PEPD: variants seen among roughly 807,000 people sequenced by gnomAD.
PEPD encodes peptidase D.
In PEPD, 53 loss-of-function variants were observed where a neutral mutation model predicts 60.7. The ratio of observed to expected loss-of-function variants is 0.87; its 90% CI spans 0.70 to 1.10. PEPD has a LOEUF of 1.10. Ranked by LOEUF, PEPD falls within the 50% of genes least tolerant of loss-of-function variation. The probability of loss-of-function intolerance (pLI) is 0.00; values close to 1 mark genes in which losing one functional copy is unlikely to be tolerated. For synonymous variants in PEPD, 267 were observed against 284.1 expected, an observed-to-expected ratio of 0.94 and a Z score of 0.60; for missense variants, 711 against 711.9, an observed-to-expected ratio of 1.00 and a Z score of 0.01.
At chr19:33,488,725 G>A (rs1970442570) in intron 6 of PEPD, among the ~76,000 whole-genome samples, 1 of 152,114 alleles carries the variant, frequency 6.6e-6, no homozygotes, top group Admixed American at 6.5e-5. Flanking sequence ...AGGGGGAGGT[G>A]GGAGGTGATA....
At chr19:33,499,277 T>A (rs1970665342) in intron 4 of PEPD, among the ~76,000 whole-genome samples, 1 of 152,148 alleles carries the variant, frequency 6.6e-6, no homozygotes, top group Admixed American at 6.5e-5. Flanking sequence ...AAAAGCCTCC[T>A]CTCTCCACAG....
At chr19:33,486,242 C>A (rs184785158) in intron 6 of PEPD, among the ~76,000 whole-genome samples, 3 of 148,816 alleles carry the variant, frequency 2.0e-5, no homozygotes, top group East Asian at 2.0e-4. Context: ...TCTCAGCCCC[C>A]ACTAGCCCCC....
intron 7 of PEPD, among the ~76,000 whole-genome samples, chr19:33,467,876 A>G (rs529400809): frequency 3.3e-5 from 5 of 152,328 alleles, no homozygotes; most frequent in African/African-American, 1.2e-4. Context: ...CATTCATTTC[A>G]CATCACTAAT....
In PEPD at chr19:33,515,106, C is replaced by T. The variant is rs546436519; in HGVS notation, c.18-2330G>A. Among the ~76,000 whole-genome samples the T allele has an allele frequency of 3.3e-5, 5 of 152,320 alleles. No individual in the cohort carries two copies. In the South Asian group the frequency reaches 8.3e-4, roughly 25 times the overall value. On this transcript the variant is annotated intron_variant, in intron 1 of 14. Coordinates refer to ENST00000244137, the MANE Select transcript of PEPD (RefSeq NM_000285.4). ...TGGGAGATGGAGCTCCAGGTTGCCTCGGTCACTGCCGTGCCCTCGCCTGGT... is the reference window on the plus strand; with the variant it reads ...TGGGAGATGGAGCTCCAGGTTGCCTTGGTCACTGCCGTGCCCTCGCCTGGT...
chr19:33,514,458 C>G (rs766036451), intron 1 of PEPD, among the ~76,000 whole-genome samples: 31 of 151,998 alleles, frequency 2.0e-4, no homozygotes, highest in Non-Finnish European at 3.4e-4. Context: ...TCCGGATGGT[C>G]TTCCCCGGCC....
At position 33,423,549 on chromosome 19, in the gene PEPD, A is replaced by G. The variant is rs1205838080; in HGVS notation, c.672-9906T>C. ...CACAGGAATGGGAACCTGGTGGGTAAAACACAAAAGTATTTCACTGTTTCA... is the reference window on the plus strand; with the variant it reads ...CACAGGAATGGGAACCTGGTGGGTAGAACACAAAAGTATTTCACTGTTTCA... On this transcript the variant is annotated intron_variant, in intron 9 of 14. Transcript: ENST00000244137. 2.0e-5 allele frequency among the ~76,000 whole-genome samples: 3 copies of G among 152,236 alleles called. No individual in the cohort carries two copies. The East Asian group carries it at 5.8e-4, about 29-fold the overall frequency.
At position 33,425,839 on chromosome 19, in the gene PEPD, G is replaced by A. The variant is rs1356559824; in HGVS notation, c.672-12196C>T. 4.6e-5 allele frequency among the ~76,000 whole-genome samples: 7 copies of A among 152,280 alleles called. No homozygotes were observed. In the South Asian group the frequency reaches 8.3e-4, roughly 18 times the overall value. ...TCTTTGAGGAAAAGCCTGGTTTTTCGTTCTTGGGCAAGGCCTTTGGTTCAG... is the reference window on the plus strand; with the variant it reads ...TCTTTGAGGAAAAGCCTGGTTTTTCATTCTTGGGCAAGGCCTTTGGTTCAG... On this transcript the variant is annotated intron_variant, in intron 9 of 14. Coordinates refer to ENST00000244137, the MANE Select transcript of PEPD (RefSeq NM_000285.4).
chr19:33,512,451 T>G lies in PEPD; in HGVS notation c.201+142A>C, dbSNP rs114496260. 2,495 of 798,428 alleles carry G rather than the reference T, an allele frequency of 3.1e-3. 42 individuals are homozygous for G. In the African/African-American group the frequency reaches 0.036, roughly 11 times the overall value. The allele number at this position is 798,428 out of a possible 1,614,324, so 49.5% of individuals were successfully genotyped here. ...AAGTTCTACATCTTCAAGGAGCCCCTGGACCACTTCCCAGGCGAGGAAACA... is the reference window on the plus strand; with the variant it reads ...AAGTTCTACATCTTCAAGGAGCCCCGGGACCACTTCCCAGGCGAGGAAACA... On this transcript the variant is annotated intron_variant, in intron 2 of 14. Transcript: ENST00000244137.
intron 12 of PEPD, among the ~76,000 whole-genome samples, chr19:33,401,464 G>C (rs1472603194): frequency 1.3e-5 from 2 of 152,196 alleles, no homozygotes; most frequent in Non-Finnish European, 2.9e-5. Flanking sequence ...GAGATGCGCA[G>C]GTGGAGGCCA....
chr19:33,435,525 G>T (rs1444471957), intron 9 of PEPD, among the ~76,000 whole-genome samples: 1 of 152,208 alleles, frequency 6.6e-6, no homozygotes, highest in Non-Finnish European at 1.5e-5. Context: ...GTCTGGCTGG[G>T]GACAACAGCC....
In PEPD at chr19:33,411,660, G is replaced by A. The variant is rs558508400; in HGVS notation, c.818+12C>T. On this transcript the variant is annotated intron_variant, in intron 11 of 14. Transcript: ENST00000244137. Reference sequence around the variant, plus strand: ...GTTCACACACAGAGCCAGGGCCGCTGGCCCTACTTACCACATATCCCCATT... The same window carrying A: ...GTTCACACACAGAGCCAGGGCCGCTAGCCCTACTTACCACATATCCCCATT... The A allele has an allele frequency of 2.2e-5, 33 of 1,532,476 alleles. No individual in the cohort carries two copies. In the South Asian group the frequency reaches 3.7e-4, roughly 17 times the overall value. The allele number at this position is 1,532,476 out of a possible 1,614,324, so 94.9% of individuals were successfully genotyped here.
intron 7 of PEPD, among the ~76,000 whole-genome samples, chr19:33,468,541 T>C (rs1053733567): frequency 9.9e-5 from 15 of 152,168 alleles, no homozygotes; most frequent in Admixed American, 6.5e-5. Flanking sequence ...GCGAGGGGCC[T>C]GGTGGCTCCC....
intron 12 of PEPD, among the ~76,000 whole-genome samples, chr19:33,400,249 G>A (rs961600853): frequency 1.3e-5 from 2 of 152,136 alleles, no homozygotes. Flanking sequence ...CTCTGACCTC[G>A]ACCCAGATGG....
chr19:33,419,092 C>A (rs1414672414), intron 9 of PEPD, among the ~76,000 whole-genome samples: 1 of 152,176 alleles, frequency 6.6e-6, no homozygotes, highest in Non-Finnish European at 1.5e-5. Context: ...CAGACAGAGA[C>A]TGTTTGACCT....
At chr19:33,425,638 G>A (rs1407135332) in intron 9 of PEPD, among the ~76,000 whole-genome samples, 1 of 152,100 alleles carries the variant, frequency 6.6e-6, no homozygotes, top group African/African-American at 2.4e-5. Context: ...ATTAGATTGG[G>A]TTTCATTCAT....
chr19:33,453,185 G>A (rs1185689303), intron 9 of PEPD, among the ~76,000 whole-genome samples: 3 of 152,106 alleles, frequency 2.0e-5, no homozygotes, highest in Non-Finnish European at 2.9e-5. Flanking sequence ...ATGGTGGCAC[G>A]TGCTTCTAGT....
chr19:33,446,027 A>G (rs1372672342), intron 9 of PEPD, among the ~76,000 whole-genome samples: 2 of 152,176 alleles, frequency 1.3e-5, no homozygotes, highest in African/African-American at 4.8e-5. Flanking sequence ...TGGACCCCGC[A>G]GCCTGTTCGG....
At chr19:33,461,829 C>T (rs1600135397) in intron 9 of PEPD, among the ~76,000 whole-genome samples, 1 of 152,340 alleles carries the variant, frequency 6.6e-6, no homozygotes, top group East Asian at 1.9e-4. Flanking sequence ...GAGCCCTTCT[C>T]AGCCTCCCCG....
At chr19:33,412,750 C>T (rs1040516081) in intron 10 of PEPD, among the ~76,000 whole-genome samples, 2 of 152,196 alleles carry the variant, frequency 1.3e-5, no homozygotes, top group African/African-American at 2.4e-5. Flanking sequence ...TATTCATGTG[C>T]CGGGGACGTG....
Sources: gnomAD v4.1 joint callset for allele counts (sites outside exome capture counted in the v4.1 genomes callset) on GRCh38, gnomAD v4.1.1 for gene constraint, MANE v1.5 for transcripts, NCBI Gene and HGNC (gene_info 2026-07-23, HGNC 2026-07-21) for gene names.